The following FSTL4 variants were observed in gnomAD, a reference collection of about 807,000 sequenced individuals.
FSTL4 encodes follistatin-related protein 4.
FSTL4 carries 28 observed loss-of-function variants against 78.2 expected under a neutral mutation model. The observed-to-expected ratio is 0.36, with a 90% CI of 0.27 to 0.49. The LOEUF (loss-of-function observed/expected upper bound fraction) is 0.49, where lower values mean the gene tolerates loss of function less well. FSTL4 is among the 20% of genes least tolerant of loss of function. FSTL4 has a pLI of 0.98. For missense variants in FSTL4, 922 were observed against 1,084.9 expected (o/e 0.85, Z 2.11); for synonymous variants, 422 against 440.5 (o/e 0.96, Z 0.53).
intron 4 of FSTL4, among the ~76,000 whole-genome samples, chr5:133,341,533 C>T (rs1561679346): frequency 6.6e-6 from 1 of 152,040 alleles, no homozygotes; most frequent in African/African-American, 2.4e-5. Flanking sequence ...AGGGACAGGC[C>T]GGTGGAGACC....
At chr5:133,740,457 C>A in the FSTL4 span, among the ~76,000 whole-genome samples, 1 of 152,162 alleles carries the variant, frequency 6.6e-6, no homozygotes, top group Non-Finnish European at 1.5e-5. Context: ...GTGTGCCAAC[C>A]CGCCCCCACT....
At chr5:133,627,931 G>A in the FSTL4 span, among the ~76,000 whole-genome samples, 1 of 150,492 alleles carries the variant, frequency 6.6e-6, no homozygotes, top group Non-Finnish European at 1.5e-5. Context: ...ATATCTCTTT[G>A]TATCACTTTT....
chr5:133,217,843 C>T (rs932924396), intron 12 of FSTL4, among the ~76,000 whole-genome samples: 6 of 152,096 alleles, frequency 3.9e-5, no homozygotes, highest in African/African-American at 1.4e-4. Flanking sequence ...CCTCTGTTCC[C>T]TCCCCTCCAT....
chr5:133,837,499 T>G, the FSTL4 span, among the ~76,000 whole-genome samples: 1 of 152,220 alleles, frequency 6.6e-6, no homozygotes, highest in African/African-American at 2.4e-5. Context: ...TAATGTGAGT[T>G]TCTGGATGAT....
chr5:133,454,966 G>A (rs1376737397), intron 3 of FSTL4, among the ~76,000 whole-genome samples: 2 of 152,242 alleles, frequency 1.3e-5, no homozygotes, highest in Non-Finnish European at 1.5e-5. Context: ...CGCCTTGAGG[G>A]CAGGGCCTTG....
At chr5:133,484,269 G>C (rs1030684390) in intron 3 of FSTL4, among the ~76,000 whole-genome samples, 4 of 152,216 alleles carry the variant, frequency 2.6e-5, no homozygotes, top group African/African-American at 9.6e-5. Flanking sequence ...GAAGAAAAAA[G>C]CTTTAAGCAG....
chr5:133,800,195 G>A, the FSTL4 span, among the ~76,000 whole-genome samples: 1 of 138,560 alleles, frequency 7.2e-6, no homozygotes, highest in African/African-American at 2.6e-5. Flanking sequence ...CTGAGAAGCA[G>A]TCCTTCCAAA....
the FSTL4 span, among the ~76,000 whole-genome samples, chr5:133,641,308 G>T: frequency 6.6e-6 from 1 of 151,824 alleles, no homozygotes; most frequent in African/African-American, 2.4e-5. Context: ...TACTAATACA[G>T]TTGGCTTACT....
At chr5:133,798,093 T>C in the FSTL4 span, among the ~76,000 whole-genome samples, 13 of 152,218 alleles carry the variant, frequency 8.5e-5, no homozygotes, top group Admixed American at 2.6e-4. Flanking sequence ...CTTGGCTCAT[T>C]CCAATCCTAT....
At chr5:133,660,861 T>C in the FSTL4 span, among the ~76,000 whole-genome samples, 1 of 152,214 alleles carries the variant, frequency 6.6e-6, no homozygotes, top group Non-Finnish European at 1.5e-5. Context: ...GTAAATCCAG[T>C]GAGGCCTGCC....
the FSTL4 span, among the ~76,000 whole-genome samples, chr5:133,720,004 C>G: frequency 6.6e-6 from 1 of 152,174 alleles, no homozygotes; most frequent in South Asian, 2.1e-4. Context: ...TATGGGAGAA[C>G]TGGCTTCACA....
chr5:133,222,714 G>T (rs1751181278), intron 11 of FSTL4, among the ~76,000 whole-genome samples: 1 of 152,198 alleles, frequency 6.6e-6, no homozygotes, highest in Non-Finnish European at 1.5e-5. Context: ...GACTTCACGG[G>T]ATACCCAGCC....
the FSTL4 span, among the ~76,000 whole-genome samples, chr5:133,824,720 C>T: frequency 2.6e-5 from 4 of 152,140 alleles, no homozygotes; most frequent in African/African-American, 9.7e-5. Context: ...GCCAAAGCAA[C>T]CAAGTTTGGC....
At chr5:133,794,136 AT>A in the FSTL4 span, among the ~76,000 whole-genome samples, 13,146 of 152,250 alleles carry the variant, frequency 0.086, 646 homozygotes, top group East Asian at 0.18. Context: ...ATGCACTGCC[AT>A]TCTGGGCTGA....
At chr5:133,732,811 C>T in the FSTL4 span, among the ~76,000 whole-genome samples, 1 of 152,344 alleles carries the variant, frequency 6.6e-6, no homozygotes, top group South Asian at 2.1e-4. Flanking sequence ...ATCCCCACTT[C>T]CAGTTGGCTA....
intron 6 of FSTL4, among the ~76,000 whole-genome samples, chr5:133,288,313 C>T (rs1753182701): frequency 6.6e-6 from 1 of 152,148 alleles, no homozygotes; most frequent in South Asian, 2.1e-4. Flanking sequence ...GTAGTAGAGG[C>T]CCCTCTGTCC....
chr5:133,628,862 C>G, the FSTL4 span, among the ~76,000 whole-genome samples: 1 of 150,720 alleles, frequency 6.6e-6, no homozygotes, highest in East Asian at 1.9e-4. Flanking sequence ...TGCTTATCAG[C>G]TTAAGGAGAT....
At chr5:133,738,265 C>T in the FSTL4 span, among the ~76,000 whole-genome samples, 20 of 152,202 alleles carry the variant, frequency 1.3e-4, no homozygotes, top group Non-Finnish European at 2.5e-4. Context: ...AGTTTTCTCT[C>T]TGAGGAGCTC....
chr5:133,257,071 C>G lies in FSTL4; in HGVS notation c.728-7495G>C, dbSNP rs58151957. On this transcript the variant is annotated intron_variant, in intron 6 of 15. Coordinates refer to ENST00000265342, the MANE Select transcript of FSTL4 (RefSeq NM_015082.2). ...CCAGCACCTAATACAATGCCTACCACGCAGAAGGGACTTAATAAGCAGTTT... is the reference window on the plus strand; with the variant it reads ...CCAGCACCTAATACAATGCCTACCAGGCAGAAGGGACTTAATAAGCAGTTT... Among the ~76,000 whole-genome samples, 3 of 152,238 alleles carry G rather than the reference C, an allele frequency of 2.0e-5. No homozygotes were observed. The South Asian group carries it at 6.2e-4, about 32-fold the overall frequency.
Sources: gnomAD v4.1 joint callset for allele counts (sites outside exome capture counted in the v4.1 genomes callset) on GRCh38, gnomAD v4.1.1 for gene constraint, MANE v1.5 for transcripts, NCBI Gene and HGNC (gene_info 2026-07-23, HGNC 2026-07-21) for gene names.